NELL1: variants seen among roughly 807,000 people sequenced by gnomAD.
NELL1 encodes neural EGFL like 1.
A neutral mutation model predicts 107.4 loss-of-function variants in NELL1; 76 were observed. That is an observed-to-expected ratio of 0.71 (90% confidence interval 0.59 to 0.86). NELL1 has a LOEUF of 0.86. NELL1 is among the 40% of genes least tolerant of loss of function. The pLI is 0.00. For missense variants in NELL1, 1,024 were observed against 1,005.5 expected (o/e 1.02, Z -0.25); for synonymous variants, 353 against 341.2 (o/e 1.03, Z -0.38).
In NELL1 at chr11:21,477,733, C is replaced by T. The variant is rs139142741; in HGVS notation, c.1646-56641C>T. ...GGCACCAGGAACAAATCCTAAGATA[C>T]GTGACCTTTCAGATAGAGATTTCAA... On this transcript the variant is annotated intron_variant, in intron 15 of 19. Coordinates refer to ENST00000357134, the MANE Select transcript of NELL1 (RefSeq NM_006157.5). 2.0e-3 allele frequency among the ~76,000 whole-genome samples: 298 copies of T among 152,016 alleles called. 1 individual carries two copies. Among genetic ancestry groups the T allele is most frequent in the African/African-American group, 7.0e-3 (289 of 41,504 alleles).
chr11:21,482,889 A>G (rs773840774), intron 15 of NELL1, among the ~76,000 whole-genome samples: 6 of 152,322 alleles, frequency 3.9e-5, no homozygotes, highest in Admixed American at 6.5e-5. Context: ...AATAACTGTC[A>G]TAGAACATTT....
rs1019344487 is a variant in NELL1 at position 20,686,709 on chromosome 11, G to C, written c.184+8649G>C. Among the ~76,000 whole-genome samples the C allele has an allele frequency of 1.2e-4, 18 of 152,232 alleles. 1 individual carries two copies. Among genetic ancestry groups the C allele is most frequent in the African/African-American group, 4.3e-4 (18 of 41,546 alleles). On this transcript the variant is annotated intron_variant, in intron 2 of 19. Transcript: ENST00000357134. ...ACAGTCTGTTTACACCACCCAGTTA[G>C]GTTACAGTTTACTATGTATGGAGAA...
intron 2 of NELL1, among the ~76,000 whole-genome samples, chr11:20,719,214 G>A (rs1855320673): frequency 6.6e-6 from 1 of 152,084 alleles, no homozygotes; most frequent in Non-Finnish European, 1.5e-5. Context: ...CTCTCTTCTG[G>A]CCTTTCTCTA....
chr11:20,875,872 A>G (rs1196713135), intron 4 of NELL1, among the ~76,000 whole-genome samples: 1 of 152,222 alleles, frequency 6.6e-6, no homozygotes, highest in African/African-American at 2.4e-5. Flanking sequence ...AGTGAAATTC[A>G]GTTGCTGGGC....
At chr11:21,254,768 C>G (rs1858726804) in intron 14 of NELL1, among the ~76,000 whole-genome samples, 1 of 152,066 alleles carries the variant, frequency 6.6e-6, no homozygotes, top group Non-Finnish European at 1.5e-5. Flanking sequence ...TAGAGTTTTG[C>G]TCTCTCTTCT....
intron 10 of NELL1, among the ~76,000 whole-genome samples, chr11:20,943,444 A>G (rs1452919029): frequency 6.6e-6 from 1 of 151,992 alleles, no homozygotes; most frequent in Non-Finnish European, 1.5e-5. Flanking sequence ...TTAGCCGGGC[A>G]TGGTGGCACA....
rs1484062663 is a variant in NELL1 at position 21,235,545 on chromosome 11, T to G, written c.1549+6091T>G. Among the ~76,000 whole-genome samples, 3 of 152,156 alleles carry G rather than the reference T, an allele frequency of 2.0e-5. 1 individual carries two copies. Among genetic ancestry groups the G allele is most frequent in the Admixed American group, 2.0e-4 (3 of 15,264 alleles). Reference sequence around the variant, plus strand: ...GGGGAGGTATATCTTTGGTAGTGTTTAAGCTTCTCTTAAGGGTCATATTGA... The same window carrying G: ...GGGGAGGTATATCTTTGGTAGTGTTGAAGCTTCTCTTAAGGGTCATATTGA... On this transcript the variant is annotated intron_variant, in intron 14 of 19. Transcript: ENST00000357134.
intron 4 of NELL1, among the ~76,000 whole-genome samples, chr11:20,873,625 G>A (rs1387568037): frequency 2.0e-5 from 3 of 152,124 alleles, no homozygotes; most frequent in Non-Finnish European, 2.9e-5. Context: ...AAGAAACAAA[G>A]GACTCAGAGA....
chr11:20,848,642 G>T lies in NELL1; in HGVS notation c.506+889G>T, dbSNP rs140080555. 3.3e-3 allele frequency among the ~76,000 whole-genome samples: 507 copies of T among 152,192 alleles called. 7 individuals carry two copies. The highest frequency in any genetic ancestry group is 0.012 in the African/African-American group (487 of 41,522). On this transcript the variant is annotated intron_variant, in intron 4 of 19. Transcript: ENST00000357134. ...TAAAATGACTTTTCAGCCACACAAG[G>T]CTTGCTCCCTTGAACCCAGGATAAA...
chr11:21,133,733 C>T (rs1382657988), intron 13 of NELL1, among the ~76,000 whole-genome samples: 1 of 20,314 alleles, frequency 4.9e-5, no homozygotes, highest in African/African-American at 1.9e-4. Flanking sequence ...GGGGATGGGG[C>T]TTGGTGGGGG....
At chr11:21,452,544 CTCTT>C (rs1853614023) in intron 15 of NELL1, among the ~76,000 whole-genome samples, 1 of 151,870 alleles carries the variant, frequency 6.6e-6, no homozygotes, top group African/African-American at 2.4e-5. Context: ...AATCTGTGTG[CTCTT>C]TCTTTTCTTC....
intron 2 of NELL1, among the ~76,000 whole-genome samples, chr11:20,748,441 G>A (rs7105182): frequency 0.058 from 8,906 of 152,244 alleles, 808 homozygotes; most frequent in African/African-American, 0.19. Flanking sequence ...ATACAAAGTA[G>A]TTTTTGGTTA....
intron 10 of NELL1, among the ~76,000 whole-genome samples, chr11:20,943,540 G>A (rs997787528): frequency 3.3e-5 from 5 of 151,760 alleles, no homozygotes; most frequent in Admixed American, 6.6e-5. Context: ...CTGAGATTGC[G>A]CCACTGCACT....
chr11:20,904,331 G>T (rs952624672), intron 5 of NELL1, among the ~76,000 whole-genome samples: 2 of 152,028 alleles, frequency 1.3e-5, no homozygotes, highest in African/African-American at 2.4e-5. Flanking sequence ...TGAAGTGACA[G>T]TTATCCCAAT....
chr11:21,299,265 G>C (rs1230702067), intron 14 of NELL1, among the ~76,000 whole-genome samples: 1 of 151,886 alleles, frequency 6.6e-6, no homozygotes, highest in Admixed American at 6.6e-5. Flanking sequence ...TGTTCATTTA[G>C]CTTTTCTCTG....
chr11:21,118,336 G>A (rs1432265341), intron 13 of NELL1, among the ~76,000 whole-genome samples: 1 of 151,998 alleles, frequency 6.6e-6, no homozygotes, highest in East Asian at 1.9e-4. Flanking sequence ...GAGCCTCTAG[G>A]CCAGATTCAA....
chr11:20,847,543 A>C (rs202140331), intron 3 of NELL1, 40 bp from the exon 4 acceptor site: 11 of 1,589,166 alleles, frequency 6.9e-6, no homozygotes, highest in Non-Finnish European at 8.6e-6. Context: ...TGTGATATCC[A>C]GAACTAAAAT....
intron 14 of NELL1, among the ~76,000 whole-genome samples, chr11:21,289,317 C>T (rs1439904558): frequency 2.6e-5 from 4 of 152,168 alleles, no homozygotes; most frequent in Non-Finnish European, 5.9e-5. Context: ...ATACCTGGCT[C>T]ATCTCATTGG....
At chr11:20,991,106 A>G (rs1215477914) in intron 12 of NELL1, among the ~76,000 whole-genome samples, 1 of 152,222 alleles carries the variant, frequency 6.6e-6, no homozygotes. Flanking sequence ...TTCAGACACC[A>G]TGATCTGATG....
Sources: allele counts gnomAD v4.1 joint callset (sites outside exome capture counted in the v4.1 genomes callset), GRCh38; gene constraint gnomAD v4.1.1; transcripts MANE v1.5; gene names NCBI Gene and HGNC (gene_info 2026-07-23, HGNC 2026-07-21).